The following CCR3 variants were observed in gnomAD, a reference collection of about 807,000 sequenced individuals.
CCR3 encodes C-C motif chemokine receptor 3, also known as C-C chemokine receptor type 3.
For missense variants in CCR3, 419 were observed against 437.5 expected (o/e 0.96, Z 0.38); for synonymous variants, 203 against 179.2 (o/e 1.13, Z -1.06).
chr3:46,259,352 A>G (rs1023645516), intron 1 of CCR3, among the ~76,000 whole-genome samples: 1 of 152,196 alleles, frequency 6.6e-6, no homozygotes, highest in African/African-American at 2.4e-5. Flanking sequence ...AATGCCCCTG[A>G]GAATTTACTA....
upstream of CCR3, among the ~76,000 whole-genome samples, chr3:46,237,695 A>G (rs1700038836): frequency 6.6e-6 from 1 of 152,172 alleles, no homozygotes; most frequent in African/African-American, 2.4e-5. Context: ...TCCTTTCCTC[A>G]ATGTATGTTT....
intron 2 of CCR3, among the ~76,000 whole-genome samples, chr3:46,221,639 CT>C (rs1473100589): frequency 6.6e-6 from 1 of 152,192 alleles, no homozygotes; most frequent in Non-Finnish European, 1.5e-5. Context: ...GACTTTTAGT[CT>C]TATTCCTGTC....
intron 1 of CCR3, among the ~76,000 whole-genome samples, chr3:46,256,635 G>A (rs2125933158): frequency 6.6e-6 from 1 of 152,208 alleles, no homozygotes; most frequent in East Asian, 1.9e-4. Context: ...TAACAGTTAT[G>A]AGCAGATGAA....
chr3:46,217,699 T>C (rs1699790900), intron 2 of CCR3, among the ~76,000 whole-genome samples: 1 of 152,024 alleles, frequency 6.6e-6, no homozygotes, highest in African/African-American at 2.4e-5. Flanking sequence ...AATTAAATAA[T>C]CTGCTCCCAA....
chr3:46,246,083 C>A (rs1278747933), intron 1 of CCR3, among the ~76,000 whole-genome samples: 2 of 152,134 alleles, frequency 1.3e-5, no homozygotes, highest in Non-Finnish European at 2.9e-5. Flanking sequence ...TTGATACTAA[C>A]CCTCTTAAAA....
At chr3:46,217,964 C>A (rs1436302981) in intron 2 of CCR3, among the ~76,000 whole-genome samples, 1 of 150,354 alleles carries the variant, frequency 6.7e-6, no homozygotes, top group Non-Finnish European at 1.5e-5. Flanking sequence ...ATACAAAGAT[C>A]AGAGCAGAAC....
At chr3:46,220,170 G>A (rs1488288630) in intron 2 of CCR3, among the ~76,000 whole-genome samples, 2 of 152,058 alleles carry the variant, frequency 1.3e-5, no homozygotes, top group Non-Finnish European at 2.9e-5. Context: ...ATCAAAAAGC[G>A]GGCTAAGGAC....
chr3:46,213,059 C>G (rs1461159507), intron 2 of CCR3, among the ~76,000 whole-genome samples: 1 of 152,178 alleles, frequency 6.6e-6, no homozygotes, highest in Admixed American at 6.5e-5. Context: ...GATATTAGCT[C>G]TGGTTTGAAA....
At chr3:46,217,820 C>A (rs1380478069) in intron 2 of CCR3, among the ~76,000 whole-genome samples, 1 of 151,704 alleles carries the variant, frequency 6.6e-6, no homozygotes. Context: ...AAAAGCGGTG[C>A]TAAGAGGAAA....
At chr3:46,231,507 A>C (rs374029841) in intron 2 of CCR3, among the ~76,000 whole-genome samples, 2 of 152,364 alleles carry the variant, frequency 1.3e-5, no homozygotes, top group East Asian at 3.9e-4. Context: ...GTCAACGAGC[A>C]CAAAGTTTCA....
intron 2 of CCR3, among the ~76,000 whole-genome samples, chr3:46,222,516 C>G (rs907336986): frequency 6.6e-6 from 1 of 152,128 alleles, no homozygotes; most frequent in African/African-American, 2.4e-5. Flanking sequence ...TCCAGAGTCC[C>G]TTAATCTTTC....
upstream of CCR3, among the ~76,000 whole-genome samples, chr3:46,237,765 A>G (rs529690887): frequency 2.0e-4 from 31 of 152,272 alleles, no homozygotes; most frequent in Admixed American, 1.6e-3. Context: ...TGGGCTCTCT[A>G]TTCCATTCCA....
At chr3:46,232,232 C>A (rs896812896) in intron 2 of CCR3, among the ~76,000 whole-genome samples, 2 of 152,166 alleles carry the variant, frequency 1.3e-5, no homozygotes, top group East Asian at 3.8e-4. Flanking sequence ...CACGGGAATG[C>A]CCTGAAGGAA....
intron 2 of CCR3, among the ~76,000 whole-genome samples, chr3:46,220,280 A>G (rs1699821318): frequency 6.6e-6 from 1 of 152,216 alleles, no homozygotes; most frequent in Admixed American, 6.5e-5. Flanking sequence ...AATCAAAACC[A>G]CAATGCAATA....
chr3:46,236,208 T>C (rs1250833157), intron 2 of CCR3, among the ~76,000 whole-genome samples: 3 of 152,140 alleles, frequency 2.0e-5, no homozygotes, highest in South Asian at 2.1e-4. Context: ...GCTTTTATGA[T>C]TGAAACAGCA....
chr3:46,263,710 A>G (rs996730810), intron 1 of CCR3: 2 of 152,144 alleles, frequency 1.3e-5, no homozygotes, highest in African/African-American at 2.4e-5. Flanking sequence ...AAGTGACCCA[A>G]TGGTCCTCAC....
intron 2 of CCR3, among the ~76,000 whole-genome samples, chr3:46,217,728 A>G (rs960864172): frequency 1.3e-5 from 2 of 152,134 alleles, no homozygotes; most frequent in African/African-American, 2.4e-5. Context: ...TGGGTTAACT[A>G]TAAAATCAAG....
intron 1 of CCR3, among the ~76,000 whole-genome samples, chr3:46,253,010 G>A (rs1007940113): frequency 6.6e-6 from 1 of 152,120 alleles, no homozygotes; most frequent in Non-Finnish European, 1.5e-5. Context: ...CACCAGAAGA[G>A]CATTAAGAAC....
At chr3:46,242,963 G>GTATATATATATACACATA (rs529496808) in intron 1 of CCR3, among the ~76,000 whole-genome samples, 11,805 of 86,008 alleles carry the variant, frequency 0.14, 859 homozygotes, top group Non-Finnish European at 0.19. Flanking sequence ...ATATATATGT[G>GTATATATATATACACATA]TATATATATA....
Sources: gnomAD v4.1 joint callset for allele counts (sites outside exome capture counted in the v4.1 genomes callset) on GRCh38, gnomAD v4.1.1 for gene constraint, MANE v1.5 for transcripts, NCBI Gene and HGNC (gene_info 2026-07-23, HGNC 2026-07-21) for gene names.